MBP: variants seen among roughly 807,000 people sequenced by gnomAD.
The protein encoded by MBP is myelin basic protein.
MBP carries 16 observed loss-of-function variants against 35.8 expected under a neutral mutation model. The observed-to-expected ratio is 0.45, with a 90% CI of 0.30 to 0.68. The LOEUF is 0.68. Among genes scored for constraint, MBP ranks in the 30% least tolerant of loss-of-function variants. The probability of loss-of-function intolerance (pLI) is 0.08; values close to 1 mark genes in which losing one functional copy is unlikely to be tolerated. For missense variants in MBP, 380 were observed against 404.7 expected (o/e 0.94, Z 0.52); for synonymous variants, 143 against 159.6 (o/e 0.90, Z 0.78).
In MBP at chr18:77,039,748, G is replaced by T. The variant is rs72974809; in HGVS notation, c.140-22480C>A. Among the ~76,000 whole-genome samples, 41 of 152,182 alleles carry T rather than the reference G, an allele frequency of 2.7e-4. 1 individual carries two copies. Among genetic ancestry groups the T allele is most frequent in the Admixed American group, 1.4e-3 (22 of 15,286 alleles). On this transcript the variant is annotated intron_variant, in intron 3 of 8. Coordinates refer to ENST00000355994, the MANE Select transcript of MBP (RefSeq NM_001025101.2). ...AACATTCTGAAATCAGGTAGGAGCT[G>T]TGAATCAAGTGGTAGGAAGGAAGAA...
intron 1 of MBP, among the ~76,000 whole-genome samples, chr18:77,108,097 C>T (rs1371698013): frequency 1.3e-5 from 2 of 152,186 alleles, no homozygotes; most frequent in South Asian, 2.1e-4. Context: ...CTGATAATCA[C>T]GAGTGACTGG....
intron 4 of MBP, among the ~76,000 whole-genome samples, chr18:77,008,682 G>A (rs1301961226): frequency 6.6e-6 from 1 of 152,176 alleles, no homozygotes; most frequent in East Asian, 1.9e-4. Flanking sequence ...GGCTTCCTCT[G>A]CTGCACTTTC....
intron 3 of MBP, among the ~76,000 whole-genome samples, chr18:77,042,284 C>T (rs1210999272): frequency 6.9e-6 from 1 of 145,488 alleles, no homozygotes; most frequent in Non-Finnish European, 1.5e-5. Context: ...CCTGTTCGGT[C>T]TCCCCGGGGG....
chr18:76,997,898 G>A (rs888994143), intron 4 of MBP, among the ~76,000 whole-genome samples: 3 of 151,988 alleles, frequency 2.0e-5, no homozygotes, highest in South Asian at 2.1e-4. Flanking sequence ...TAGCCAGGAT[G>A]GTCTCGATCT....
intron 4 of MBP, among the ~76,000 whole-genome samples, chr18:76,997,713 C>G (rs542593518): frequency 2.1e-4 from 32 of 150,164 alleles, no homozygotes; most frequent in African/African-American, 4.9e-4. Flanking sequence ...GACGGAGTCT[C>G]ACTTTGTCCC....
chr18:77,023,430 A>AC (rs1386373645), intron 3 of MBP, among the ~76,000 whole-genome samples: 1 of 151,376 alleles, frequency 6.6e-6, no homozygotes, highest in Non-Finnish European at 1.5e-5. Context: ...TGTGACCACA[A>AC]CCCCCCGCTT....
chr18:77,085,480 G>T (rs1975183731), intron 2 of MBP, among the ~76,000 whole-genome samples: 1 of 152,162 alleles, frequency 6.6e-6, no homozygotes, highest in African/African-American at 2.4e-5. Flanking sequence ...AACATTGAAT[G>T]ATCTCATGGC....
At chr18:76,983,821 C>A (rs470938) in intron 8 of MBP, 143,693 of 152,358 alleles carry the variant, frequency 0.94, 68,235 homozygotes, top group East Asian at 1. Flanking sequence ...TGTGGATCCC[C>A]GCTGCTGGGC....
chr18:77,035,035 A>G (rs748615939), intron 3 of MBP, among the ~76,000 whole-genome samples: 28 of 152,174 alleles, frequency 1.8e-4, no homozygotes, highest in Non-Finnish European at 2.9e-4. Flanking sequence ...GCGGAGCCGG[A>G]GGATGCAGCA....
intron 1 of MBP, among the ~76,000 whole-genome samples, chr18:77,129,436 T>C (rs1599294576): frequency 6.6e-6 from 1 of 152,364 alleles, no homozygotes; most frequent in East Asian, 1.9e-4. Flanking sequence ...CCTACAGACG[T>C]CCCACAAACC....
At position 77,036,393 on chromosome 18, in the gene MBP, C is replaced by G. The variant is rs370162377; in HGVS notation, c.140-19125G>C. 4.4e-5 allele frequency among the ~76,000 whole-genome samples: 6 copies of G among 135,328 alleles called. 1 individual carries two copies. The highest frequency in any genetic ancestry group is 9.1e-5 in the African/African-American group (3 of 32,838). 88.8% of individuals were successfully genotyped at this position (135,328 alleles called of 152,430 possible). A position where few individuals can be genotyped will look rare whatever the true frequency, so the allele number is the denominator to read the frequency against. Reference sequence around the variant, plus strand: ...TGGAGACAGAACTGAGCAAGTGCTGCTCACGTTTCAGAGGACTGAGCTGAG... The same window carrying G: ...TGGAGACAGAACTGAGCAAGTGCTGGTCACGTTTCAGAGGACTGAGCTGAG... On this transcript the variant is annotated intron_variant, in intron 3 of 8. Coordinates refer to ENST00000355994, the MANE Select transcript of MBP (RefSeq NM_001025101.2).
At chr18:77,036,681 G>A (rs1972781741) in intron 3 of MBP, among the ~76,000 whole-genome samples, 1 of 149,918 alleles carries the variant, frequency 6.7e-6, no homozygotes, top group South Asian at 2.1e-4. Context: ...ACGTTTCAGA[G>A]GACTGAGCTG....
chr18:77,105,105 A>G, intron 2 of MBP, 106 bp downstream of exon 2: 2 of 826,994 alleles, frequency 2.4e-6, no homozygotes, highest in Non-Finnish European at 4.0e-6. Flanking sequence ...CTGTCAGGGA[A>G]GAGTGTAGCA....
At chr18:77,023,381 C>G (rs1001750092) in intron 3 of MBP, among the ~76,000 whole-genome samples, 2 of 152,178 alleles carry the variant, frequency 1.3e-5, no homozygotes, top group Admixed American at 6.5e-5. Flanking sequence ...ACACAAGCGT[C>G]GCCAGGTCCT....
At chr18:76,984,537 C>G in intron 8 of MBP, 1 of 532,150 alleles carries the variant, frequency 1.9e-6, no homozygotes, top group Non-Finnish European at 3.3e-6. Context: ...GCCCCTGAAC[C>G]AGCCCAGGCG....
At position 76,989,485 on chromosome 18, in the gene MBP, A is replaced by G. The variant is rs1315133019; in HGVS notation, c.681+471T>C. ...CCGAACAGTTTCCCTTATTAGCAAC[A>G]CTGCCTTAGGGCTCTCTCGGTGCTG... On this transcript the variant is annotated intron_variant, in intron 5 of 8. Transcript: ENST00000355994. This position sits in a 1 kb window ranked among gnomAD's most constrained non-coding sequence, Gnocchi z 4.0. Among the ~76,000 whole-genome samples, 1 of 151,606 alleles carries G rather than the reference A, an allele frequency of 6.6e-6. No homozygotes were observed. The highest frequency in any genetic ancestry group is 6.6e-5 in the Admixed American group (1 of 15,194).
At chr18:77,023,484 T>A (rs1200627274) in intron 3 of MBP, among the ~76,000 whole-genome samples, 2 of 152,102 alleles carry the variant, frequency 1.3e-5, no homozygotes, top group African/African-American at 4.8e-5. Context: ...CACTGCGACA[T>A]CGTGGCTAAT....
intron 3 of MBP, among the ~76,000 whole-genome samples, chr18:77,030,256 A>T (rs1972493495): frequency 6.6e-6 from 1 of 152,166 alleles, no homozygotes; most frequent in Non-Finnish European, 1.5e-5. Context: ...CAATCCAGCT[A>T]TAAGGCCATA....
intron 3 of MBP, among the ~76,000 whole-genome samples, chr18:77,058,337 T>A (rs1169669613): frequency 6.6e-6 from 1 of 152,134 alleles, no homozygotes; most frequent in Non-Finnish European, 1.5e-5. Flanking sequence ...GGACCCCTGC[T>A]CCACGCTGCG....
Sources: gnomAD v4.1 joint callset for allele counts (sites outside exome capture counted in the v4.1 genomes callset) on GRCh38, gnomAD v4.1.1 for gene constraint, Gnocchi (gnomAD v3.1) non-coding constraint, MANE v1.5 for transcripts, NCBI Gene and HGNC (gene_info 2026-07-23, HGNC 2026-07-21) for gene names.